The following SOCS7 variants were observed in gnomAD, a reference collection of about 807,000 sequenced individuals.
SOCS7 encodes the protein suppressor of cytokine signaling 7.
Under a neutral mutation model 58.9 loss-of-function variants are expected in SOCS7, and 18 were observed. The observed-to-expected ratio is 0.31, with a 90% CI of 0.21 to 0.45. The LOEUF (loss-of-function observed/expected upper bound fraction) is 0.45, where lower values mean the gene tolerates loss of function less well. SOCS7 is among the 20% of genes least tolerant of loss of function. The probability of loss-of-function intolerance (pLI) is 1.00; values close to 1 mark genes in which losing one functional copy is unlikely to be tolerated. For synonymous variants in SOCS7, 388 were observed against 364.3 expected (o/e 1.06, Z -0.74); for missense variants, 667 against 837.3 (o/e 0.80, Z 2.51).
intron 7 of SOCS7, among the ~76,000 whole-genome samples, chr17:38,389,244 G>C (rs2038119317): frequency 6.6e-6 from 1 of 152,160 alleles, no homozygotes; most frequent in Non-Finnish European, 1.5e-5. Flanking sequence ...TTATAATTGA[G>C]CTATTTGTCT....
chr17:38,369,938 C>T (rs546607478), intron 6 of SOCS7, among the ~76,000 whole-genome samples: 315 of 152,028 alleles, frequency 2.1e-3, no homozygotes, highest in Non-Finnish European at 3.4e-3. Flanking sequence ...TACAGGTGCC[C>T]GCCACTATGC....
chr17:38,373,573 T>C (rs1192450442), intron 6 of SOCS7, among the ~76,000 whole-genome samples: 1 of 152,248 alleles, frequency 6.6e-6, no homozygotes, highest in Admixed American at 6.5e-5. Context: ...TACAGTCTTT[T>C]GGTTGTACAG....
intron 7 of SOCS7, among the ~76,000 whole-genome samples, chr17:38,390,545 T>A (rs907797539): frequency 1.3e-5 from 2 of 152,182 alleles, no homozygotes; most frequent in Admixed American, 6.6e-5. Flanking sequence ...AACAATATTA[T>A]GTCTTCTGAT....
At chr17:38,380,624 C>T (rs1207762058) in intron 7 of SOCS7, among the ~76,000 whole-genome samples, 7 of 148,698 alleles carry the variant, frequency 4.7e-5, no homozygotes, top group Admixed American at 4.7e-4. Flanking sequence ...AAGCAAGACT[C>T]TGTCTCAAAA....
In SOCS7 at chr17:38,375,517, G is replaced by C. The variant is rs897847879; in HGVS notation, c.1553-2197G>C. On this transcript the variant is annotated intron_variant, in intron 6 of 9. Transcript: ENST00000612932. ...ATTCCTTTTTCTAGCTTAATTGTAAGAATACAGTATATAATACATATCACA... is the reference window on the plus strand; with the variant it reads ...ATTCCTTTTTCTAGCTTAATTGTAACAATACAGTATATAATACATATCACA... 5.3e-5 allele frequency among the ~76,000 whole-genome samples: 8 copies of C among 152,158 alleles called. No individual in the cohort carries two copies. In the East Asian group the frequency reaches 1.5e-3, roughly 29 times the overall value.
chr17:38,361,657 T>TGCATATGTGTTCATTTC, intron 1 of SOCS7, 54 bp from the exon 2 acceptor site: 1 of 1,355,912 alleles, frequency 7.4e-7, no homozygotes, highest in Non-Finnish European at 1.1e-6. Context: ...GTGACTTAAA[T>TGCATATGTGTTCATTTC]GCATATGTGT....
At chr17:38,392,975 G>A (rs901068091) in intron 7 of SOCS7, among the ~76,000 whole-genome samples, 3 of 152,072 alleles carry the variant, frequency 2.0e-5, no homozygotes, top group African/African-American at 7.2e-5. Context: ...TTGCCTCAAA[G>A]TATAGTTTTA....
At chr17:38,353,153 T>G (rs2037583645) in intron 1 of SOCS7, 121 bp downstream of exon 1, 7 of 962,484 alleles carry the variant, frequency 7.3e-6, no homozygotes, top group Non-Finnish European at 1.0e-5. Flanking sequence ...GGCAGAGACT[T>G]GGGACCAAAG....
chr17:38,352,890 C>G lies in SOCS7; in HGVS notation c.838C>G (p.Arg280Gly). The G allele has an allele frequency of 6.2e-7, 1 of 1,600,704 alleles. No individual in the cohort carries two copies. Among genetic ancestry groups the G allele is most frequent in the Non-Finnish European group, 8.5e-7 (1 of 1,174,586 alleles). ...GGGCTCCTTCAAAATCCGCCTCAGT[C>G]GCCTCTTTCGCACCAAGAGCTGCAA... The part of the protein sequence containing the change: ...RKGSFKIRLS[R>G]LFRTKSCNGG... The change falls in exon 1 of 10, where the codon CGC (arginine) becomes GGC (glycine). Residue 280 changes from arginine to glycine, a missense_variant. Physicochemically the swap from Arg to Gly is moderately radical, Grantham distance 125. Around this residue, in one of 9 missense-constraint regions of SOCS7, gnomAD observed 208 missense variants for 190.3 expected, o/e 1.09. Coordinates refer to ENST00000612932, the MANE Select transcript of SOCS7 (RefSeq NM_014598.4). This position sits in a 1 kb window ranked among gnomAD's most constrained non-coding sequence, Gnocchi z 5.5.
rs2038368224 is a variant in SOCS7, at chr17:38,404,735, C to G, written c.*5253C>G. On this transcript the variant is annotated 3_prime_UTR_variant, in exon 10 of 10. Transcript: ENST00000612932. ...GTTTCGTCCTGAGCTCCCTAACCAG[C>G]TCAGGTGGAGCAGAAGCCTGCTCTC... 1 of 152,354 alleles carries G rather than the reference C, an allele frequency of 6.6e-6. No homozygotes were observed. The highest frequency in any genetic ancestry group is 6.5e-5 in the Admixed American group (1 of 15,282). The allele number at this position is 152,354 out of a possible 1,614,324, so 9.4% of individuals were successfully genotyped here.
chr17:38,359,157 C>G (rs148671590), intron 1 of SOCS7, among the ~76,000 whole-genome samples: 2 of 152,354 alleles, frequency 1.3e-5, no homozygotes, highest in Non-Finnish European at 2.9e-5. Context: ...TAAAAATCAG[C>G]TTGGAAGCTC....
intron 2 of SOCS7, among the ~76,000 whole-genome samples, chr17:38,363,376 C>T (rs1387400163): frequency 6.6e-6 from 1 of 152,194 alleles, no homozygotes; most frequent in African/African-American, 2.4e-5. Flanking sequence ...CACTTTGTCT[C>T]CCAGGCTGGA....
At chr17:38,389,963 C>A (rs571378166) in intron 7 of SOCS7, among the ~76,000 whole-genome samples, 1 of 102,042 alleles carries the variant, frequency 9.8e-6, no homozygotes, top group Non-Finnish European at 2.0e-5. Context: ...TCTCTGTCAC[C>A]GAGGCTGGAG....
Position 38,403,333 on chromosome 17 carries a change from C to T in SOCS7, c.*3851C>T, listed in dbSNP as rs774096317. The T allele has an allele frequency of 6.6e-6, 1 of 152,144 alleles. No individual in the cohort carries two copies. The highest frequency in any genetic ancestry group is 2.4e-5 in the African/African-American group (1 of 41,410). The allele number at this position is 152,144 out of a possible 1,614,324, so 9.4% of individuals were successfully genotyped here. A position where few individuals can be genotyped will look rare whatever the true frequency, so the allele number is the denominator to read the frequency against. ...GTGGGGGTAATTATAGTTCCTAGGT[C>T]TAGGGGTGAGAGGTGGGAGTAGAAC... On this transcript the variant is annotated 3_prime_UTR_variant, in exon 10 of 10. Transcript: ENST00000612932.
chr17:38,389,904 T>TAG (rs1367753002), intron 7 of SOCS7, among the ~76,000 whole-genome samples: 12 of 111,526 alleles, frequency 1.1e-4, no homozygotes, highest in Admixed American at 9.6e-5. Flanking sequence ...TATATACACA[T>TAG]ATAGAGAGAG....
chr17:38,377,618 C>T (rs1475048617), intron 6 of SOCS7, 96 bp from the exon 7 acceptor site: 5 of 1,252,198 alleles, frequency 4.0e-6, no homozygotes, highest in Non-Finnish European at 5.4e-6. Context: ...AAACTGCCCT[C>T]CCAAAAGTGA....
At chr17:38,394,084 T>C (rs1390459765) in intron 7 of SOCS7, among the ~76,000 whole-genome samples, 1 of 152,220 alleles carries the variant, frequency 6.6e-6, no homozygotes, top group Non-Finnish European at 1.5e-5. Context: ...AGCCCCTTTG[T>C]TTATTGAAAG....
At chr17:38,354,436 C>T (rs1555566594) in intron 1 of SOCS7, among the ~76,000 whole-genome samples, 1 of 152,232 alleles carries the variant, frequency 6.6e-6, no homozygotes, top group Admixed American at 6.5e-5. Context: ...AACTTGGGTA[C>T]TCCAACAAGA....
intron 5 of SOCS7, 114 bp downstream of exon 5, chr17:38,366,531 G>A: frequency 7.7e-7 from 1 of 1,297,050 alleles, no homozygotes; most frequent in Non-Finnish European, 1.1e-6. Flanking sequence ...GTCTGGCTCT[G>A]TTGCCCAGGC....
Sources: allele counts gnomAD v4.1 joint callset (sites outside exome capture counted in the v4.1 genomes callset), GRCh38; gene constraint gnomAD v4.1.1; regional missense constraint gnomAD v4.1.1; non-coding constraint Gnocchi (gnomAD v3.1); transcripts MANE v1.5; gene names NCBI Gene and HGNC (gene_info 2026-07-23, HGNC 2026-07-21).